LHPP: variants seen among roughly 807,000 people sequenced by gnomAD.
The protein encoded by LHPP is hLHPP.
In LHPP, 24 loss-of-function variants were observed where a neutral mutation model predicts 30.3. The observed-to-expected ratio is 0.79, with a 90% confidence interval of 0.57 to 1.11. The LOEUF is 1.11. Ranked by LOEUF, LHPP falls within the 50% of genes most tolerant of loss-of-function variation. The pLI is 0.00. For synonymous variants in LHPP, 150 were observed against 157.1 expected, an observed-to-expected ratio of 0.95 and a Z score of 0.34; for missense variants, 356 against 367.2, an observed-to-expected ratio of 0.97 and a Z score of 0.25.
chr10:124,537,075 T>C (rs1300293819), intron 6 of LHPP, among the ~76,000 whole-genome samples: 1 of 152,234 alleles, frequency 6.6e-6, no homozygotes, highest in African/African-American at 2.4e-5. Flanking sequence ...TTTCTCCTTA[T>C]TTACAGTAAG....
intron 6 of LHPP, among the ~76,000 whole-genome samples, chr10:124,580,731 T>G (rs1236247794): frequency 7.5e-6 from 1 of 134,030 alleles, no homozygotes; most frequent in Non-Finnish European, 1.7e-5. Flanking sequence ...CTTTTTTTTT[T>G]TTTTGAGATG....
intron 6 of LHPP, among the ~76,000 whole-genome samples, chr10:124,530,217 C>T (rs1000666494): frequency 6.6e-6 from 1 of 152,164 alleles, no homozygotes; most frequent in African/African-American, 2.4e-5. Flanking sequence ...CCTCCTGCCT[C>T]CCGCCCCACC....
intron 5 of LHPP, among the ~76,000 whole-genome samples, chr10:124,513,944 G>T (rs986101068): frequency 6.6e-6 from 1 of 152,210 alleles, no homozygotes; most frequent in African/African-American, 2.4e-5. Flanking sequence ...TCTTGTTTGC[G>T]CCTCATAAGT....
At chr10:124,565,850 G>A (rs1374593397) in intron 6 of LHPP, among the ~76,000 whole-genome samples, 1 of 152,230 alleles carries the variant, frequency 6.6e-6, no homozygotes, top group Non-Finnish European at 1.5e-5. Context: ...CCGGCGTCGG[G>A]TTACAGCAGT....
At chr10:124,556,926 T>C (rs1233859042) in intron 6 of LHPP, among the ~76,000 whole-genome samples, 2 of 152,198 alleles carry the variant, frequency 1.3e-5, no homozygotes, top group African/African-American at 4.8e-5. Flanking sequence ...GAGTCTGTGG[T>C]TCATTTATTC....
intron 1 of LHPP, among the ~76,000 whole-genome samples, chr10:124,463,402 G>T (rs2674333): frequency 0.64 from 95,954 of 151,042 alleles, 31,961 homozygotes; most frequent in East Asian, 0.88. Flanking sequence ...TGCTCTTGTT[G>T]CCCAGGCCGG....
intron 6 of LHPP, among the ~76,000 whole-genome samples, chr10:124,521,717 TG>T (rs1028401375): frequency 5.3e-5 from 8 of 151,114 alleles, no homozygotes; most frequent in African/African-American, 2.0e-4. Flanking sequence ...AGCTGGCGGG[TG>T]GGGGCAGCGG....
chr10:124,554,616 T>C (rs979399107), intron 6 of LHPP, among the ~76,000 whole-genome samples: 13 of 152,118 alleles, frequency 8.5e-5, no homozygotes, highest in African/African-American at 2.7e-4. Flanking sequence ...GTCATCTCTA[T>C]CATTGACAGC....
chr10:124,468,856 G>A (rs1017291315), intron 1 of LHPP, among the ~76,000 whole-genome samples: 1 of 152,168 alleles, frequency 6.6e-6, no homozygotes, highest in Non-Finnish European at 1.5e-5. Context: ...TCGCATGCCT[G>A]TGGGGCTCGT....
intron 6 of LHPP, among the ~76,000 whole-genome samples, chr10:124,605,989 T>C (rs10794168): frequency 0.92 from 140,536 of 152,136 alleles, 65,112 homozygotes; most frequent in East Asian, 1. Flanking sequence ...CCTCCGCTTC[T>C]ACCTCCGAAA....
At position 124,581,574 on chromosome 10, in the gene LHPP, C is replaced by A. The variant is rs567220601; in HGVS notation, c.717-31690C>A. Among the ~76,000 whole-genome samples the A allele has an allele frequency of 3.3e-5, 5 of 152,164 alleles. No homozygotes were observed. The South Asian group carries it at 6.2e-4, about 19-fold the overall frequency. ...CTATGTCCTTACCAACGCTTCTTAT[C>A]TGACTGTTTAATTCTAGCCATTCTA... On this transcript the variant is annotated intron_variant, in intron 6 of 6. Transcript: ENST00000368842.
chr10:124,531,936 C>T (rs907391861), intron 6 of LHPP, among the ~76,000 whole-genome samples: 1 of 152,194 alleles, frequency 6.6e-6, no homozygotes, highest in African/African-American at 2.4e-5. Context: ...CTTGTATTTA[C>T]TCCTGGTGTT....
At chr10:124,572,971 C>T (rs1948609591) in intron 6 of LHPP, among the ~76,000 whole-genome samples, 1 of 152,198 alleles carries the variant, frequency 6.6e-6, no homozygotes, top group Non-Finnish European at 1.5e-5. Context: ...GCACTCAGGG[C>T]ATGTATCAGT....
chr10:124,519,183 G>A (rs897992186), intron 6 of LHPP, among the ~76,000 whole-genome samples: 8 of 152,208 alleles, frequency 5.3e-5, no homozygotes, highest in African/African-American at 1.9e-4. Flanking sequence ...CCTGACCTCA[G>A]GCGAACCACC....
chr10:124,557,247 G>A (rs1240928596), intron 6 of LHPP, among the ~76,000 whole-genome samples: 1 of 152,254 alleles, frequency 6.6e-6, no homozygotes, highest in Non-Finnish European at 1.5e-5. Context: ...TTGGACGGCT[G>A]TGGTGTGGAT....
intron 6 of LHPP, among the ~76,000 whole-genome samples, chr10:124,583,693 C>A (rs1036814666): frequency 1.3e-5 from 2 of 152,134 alleles, no homozygotes; most frequent in Non-Finnish European, 2.9e-5. Context: ...ATGACCAGAT[C>A]TCATGAGAAC....
intron 6 of LHPP, among the ~76,000 whole-genome samples, chr10:124,557,006 T>C (rs1166943294): frequency 1.3e-5 from 2 of 152,172 alleles, no homozygotes. Context: ...AGCAAATTAA[T>C]TTCAGGCGCA....
intron 1 of LHPP, among the ~76,000 whole-genome samples, chr10:124,469,609 T>G (rs868462088): frequency 6.6e-6 from 1 of 152,220 alleles, no homozygotes; most frequent in Middle Eastern, 3.4e-3. Flanking sequence ...TAAAGATGCA[T>G]GCACACACAC....
intron 6 of LHPP, among the ~76,000 whole-genome samples, chr10:124,572,229 C>T (rs561693682): frequency 5.6e-4 from 86 of 152,298 alleles, no homozygotes; most frequent in African/African-American, 2.0e-3. Context: ...GAGAAGGTCA[C>T]AGTGGGATGA....
Sources: gnomAD v4.1 joint callset for allele counts (sites outside exome capture counted in the v4.1 genomes callset) on GRCh38, gnomAD v4.1.1 for gene constraint, MANE v1.5 for transcripts, NCBI Gene and HGNC (gene_info 2026-07-23, HGNC 2026-07-21) for gene names.